PLOD2: variants seen among roughly 807,000 people sequenced by gnomAD.
The protein encoded by PLOD2 is lysine hydroxylase 2.
In PLOD2, 65 loss-of-function variants were observed where a neutral mutation model predicts 101.0. The observed-to-expected ratio is 0.64, with a 90% confidence interval of 0.53 to 0.79. The LOEUF (loss-of-function observed/expected upper bound fraction) is 0.79, where lower values mean the gene tolerates loss of function less well. Ranked by LOEUF, PLOD2 falls within the 30% of genes least tolerant of loss-of-function variation. The pLI, the probability that PLOD2 is intolerant of heterozygous loss-of-function variation, is 0.00. For synonymous variants in PLOD2, 314 were observed against 302.9 expected, an observed-to-expected ratio of 1.04 and a Z score of -0.38; for missense variants, 909 against 914.6, an observed-to-expected ratio of 0.99 and a Z score of 0.08.
chr3:146,156,204 T>C (rs1483310146), intron 1 of PLOD2, among the ~76,000 whole-genome samples: 1 of 152,212 alleles, frequency 6.6e-6, no homozygotes, highest in Non-Finnish European at 1.5e-5. Context: ...GTCTCTGAAA[T>C]GCCCAGAGCC....
At chr3:146,155,912 C>T (rs1441171939) in intron 1 of PLOD2, among the ~76,000 whole-genome samples, 1 of 152,046 alleles carries the variant, frequency 6.6e-6, no homozygotes, top group African/African-American at 2.4e-5. Flanking sequence ...CATTGATAAA[C>T]GTGCTAATTA....
chr3:146,073,282 C>T lies in PLOD2; in HGVS notation c.1743+5G>A. On this transcript the variant is annotated splice_donor_5th_base_variant and intron_variant, in intron 16 of 19. Transcript: ENST00000282903. ...TTTCTATACTTTGTAATCATTAATA[C>T]AAACCTGTTCAACTATATTTTCAGT... 4.5e-6 allele frequency: 5 copies of T among 1,109,276 alleles called. No homozygotes were observed. The highest frequency in any genetic ancestry group is 6.7e-6 in the Non-Finnish European group (5 of 747,454). The allele number at this position is 1,109,276 out of a possible 1,614,324, so 68.7% of individuals were successfully genotyped here.
At chr3:146,131,549 T>C (rs1319663512) in intron 1 of PLOD2, among the ~76,000 whole-genome samples, 2 of 152,200 alleles carry the variant, frequency 1.3e-5, no homozygotes, top group Non-Finnish European at 2.9e-5. Context: ...ACCCTGCTCT[T>C]CCACTGACTG....
intron 3 of PLOD2, among the ~76,000 whole-genome samples, chr3:146,118,538 A>G (rs1371726244): frequency 6.6e-6 from 1 of 152,160 alleles, no homozygotes; most frequent in Non-Finnish European, 1.5e-5. Context: ...AAAAATATGT[A>G]AAAAGACCTT....
At chr3:146,113,846 G>A (rs1343159838) in intron 3 of PLOD2, among the ~76,000 whole-genome samples, 1 of 152,198 alleles carries the variant, frequency 6.6e-6, no homozygotes, top group South Asian at 2.1e-4. Flanking sequence ...AGGTCTGACT[G>A]CCTGAGAGCC....
At chr3:146,149,044 T>C (rs2031931258) in intron 1 of PLOD2, among the ~76,000 whole-genome samples, 1 of 152,234 alleles carries the variant, frequency 6.6e-6, no homozygotes, top group Admixed American at 6.5e-5. Context: ...CAGTGTCACA[T>C]TTTACATAAG....
chr3:146,088,237 T>G (rs1279029548), intron 9 of PLOD2, among the ~76,000 whole-genome samples: 1 of 151,620 alleles, frequency 6.6e-6, no homozygotes, highest in East Asian at 1.9e-4. Flanking sequence ...CACAAACAAT[T>G]TAATGACCAA....
At chr3:146,159,760 T>C (rs1318600222) in intron 1 of PLOD2, among the ~76,000 whole-genome samples, 4 of 152,208 alleles carry the variant, frequency 2.6e-5, no homozygotes, top group East Asian at 1.9e-4. Flanking sequence ...CTGTAACTGA[T>C]AGAAATCCAT....
chr3:146,089,028 G>A (rs1936886546), intron 8 of PLOD2, among the ~76,000 whole-genome samples: 1 of 151,554 alleles, frequency 6.6e-6, no homozygotes, highest in African/African-American at 2.4e-5. Flanking sequence ...AATAGCCCTT[G>A]CAGAAACTTC....
chr3:146,145,988 G>C (rs1208971743), intron 1 of PLOD2, among the ~76,000 whole-genome samples: 2 of 152,096 alleles, frequency 1.3e-5, no homozygotes, highest in Non-Finnish European at 2.9e-5. Context: ...CAATCCACTG[G>C]CCTCAAAACA....
intron 11 of PLOD2, among the ~76,000 whole-genome samples, 191 bp from the exon 12 acceptor site, chr3:146,082,054 C>T (rs1936562586): frequency 6.6e-6 from 1 of 151,962 alleles, no homozygotes; most frequent in African/African-American, 2.4e-5. Context: ...AAGTATATTG[C>T]TAATTTTCAA....
At chr3:146,076,451 T>C (rs1446896697) in intron 15 of PLOD2, 1 of 184,284 alleles carries the variant, frequency 5.4e-6, no homozygotes, top group Non-Finnish European at 1.1e-5. Flanking sequence ...TACTTTCTTT[T>C]GGCTATATAC....
rs574468703 is a variant in PLOD2, at chr3:146,135,751, C to G, written c.110-11522G>C. Among the ~76,000 whole-genome samples, 3 of 152,154 alleles carry G rather than the reference C, an allele frequency of 2.0e-5. No homozygotes were observed. The East Asian group carries it at 5.8e-4, about 29-fold the overall frequency. ...ACACGTGCATACTCTCTATTCCACT[C>G]GGCATCTTTTTAAAATTTTTGTATT... On this transcript the variant is annotated intron_variant, in intron 1 of 19. Coordinates refer to ENST00000282903, the MANE Select transcript of PLOD2 (RefSeq NM_182943.3).
intron 2 of PLOD2, among the ~76,000 whole-genome samples, chr3:146,122,711 G>A (rs577030029): frequency 1.3e-5 from 2 of 152,230 alleles, no homozygotes; most frequent in East Asian, 1.9e-4. Context: ...TGGGGATGGG[G>A]TCCAAGATCT....
chr3:146,148,749 C>A (rs924952877), intron 1 of PLOD2, among the ~76,000 whole-genome samples: 1 of 152,180 alleles, frequency 6.6e-6, no homozygotes, highest in African/African-American at 2.4e-5. Flanking sequence ...CATAATATTA[C>A]AACATCTATA....
At chr3:146,118,636 G>T (rs376824314) in intron 3 of PLOD2, among the ~76,000 whole-genome samples, 2 of 152,200 alleles carry the variant, frequency 1.3e-5, no homozygotes, top group African/African-American at 4.8e-5. Context: ...AATAAAGGAA[G>T]TAGTAACTAA....
chr3:146,073,236 T>C, intron 16 of PLOD2, 51 bp downstream of exon 16: 1 of 712,410 alleles, frequency 1.4e-6, no homozygotes, highest in Non-Finnish European at 2.4e-6. Flanking sequence ...TAATATTTCT[T>C]CTGGAAAATA....
chr3:146,100,678 G>C (rs1471065659), intron 7 of PLOD2, among the ~76,000 whole-genome samples: 1 of 152,204 alleles, frequency 6.6e-6, no homozygotes, highest in Non-Finnish European at 1.5e-5. Context: ...GCTGAGCGGA[G>C]AGGGAGAAAG....
chr3:146,148,833 A>G (rs1209179049), intron 1 of PLOD2, among the ~76,000 whole-genome samples: 1 of 152,200 alleles, frequency 6.6e-6, no homozygotes, highest in East Asian at 1.9e-4. Context: ...ATTCAGCACT[A>G]TACACTGTCT....
Sources: allele counts gnomAD v4.1 joint callset (sites outside exome capture counted in the v4.1 genomes callset), GRCh38; gene constraint gnomAD v4.1.1; transcripts MANE v1.5; gene names NCBI Gene and HGNC (gene_info 2026-07-23, HGNC 2026-07-21).